Variants in SERPINA3 observed in about 807,000 individuals in gnomAD.
SERPINA3 encodes alpha-1-antichymotrypsin.
SERPINA3 carries 32 observed loss-of-function variants against 26.8 expected under a neutral mutation model. The ratio of observed to expected loss-of-function variants is 1.20; its 90% CI spans 0.90 to 1.61. The LOEUF (loss-of-function observed/expected upper bound fraction) is 1.61. SERPINA3 is among the 40% of genes most tolerant of loss of function. SERPINA3 has a pLI of 0.00. For synonymous variants in SERPINA3, 252 were observed against 206.4 expected, an observed-to-expected ratio of 1.22 and a Z score of -1.89; for missense variants, 632 against 517.9, an observed-to-expected ratio of 1.22 and a Z score of -2.14.
At chr14:94,621,126 G>T (rs1038662286) in intron 3 of SERPINA3, among the ~76,000 whole-genome samples, 3 of 152,106 alleles carry the variant, frequency 2.0e-5, no homozygotes, top group Non-Finnish European at 4.4e-5. Flanking sequence ...CAGAAGGCCG[G>T]ACACCTCTCG....
At chr14:94,623,378 G>A (rs1253466623) in intron 4 of SERPINA3, among the ~76,000 whole-genome samples, 3 of 152,118 alleles carry the variant, frequency 2.0e-5, no homozygotes, top group Non-Finnish European at 4.4e-5. Context: ...TCTTTACCTC[G>A]ATGGCTCTGG....
chr14:94,621,658 G>A (rs1886206101), intron 3 of SERPINA3, among the ~76,000 whole-genome samples: 1 of 152,104 alleles, frequency 6.6e-6, no homozygotes, highest in Non-Finnish European at 1.5e-5. Flanking sequence ...GCCCACTGGT[G>A]AGGCAAGATG....
rs527354355 is a variant in SERPINA3, at chr14:94,622,490, A to C, written c.1067A>C (p.Gln356Pro). ...ITGARNLAVS[Q>P]VVHKAVLDVF... ...GGGGCCAGGAACCTAGCAGTCTCCC[A>C]GGTGAGTCTTTAGACTTGGGTCAAT... The change falls in exon 4 of 5, where the codon CAG becomes CCG. Residue 356 changes from glutamine (Q) to proline (P), a missense_variant and splice_region_variant. Coordinates refer to ENST00000393078, the MANE Select transcript of SERPINA3 (RefSeq NM_001085.5). The C allele has an allele frequency of 6.2e-6, 10 of 1,614,082 alleles. No homozygotes were observed. Among genetic ancestry groups the C allele is most frequent in the African/African-American group, 1.3e-5 (1 of 75,050 alleles).
intron 2 of SERPINA3, among the ~76,000 whole-genome samples, chr14:94,616,471 G>A (rs886373909): frequency 6.6e-6 from 1 of 152,204 alleles, no homozygotes; most frequent in African/African-American, 2.4e-5. Context: ...TGTGGAAGGT[G>A]GAGGGGACCG....
In SERPINA3 at chr14:94,619,224, G is replaced by C. The variant is rs567715410; in HGVS notation, c.673G>C (p.Asp225His). 1.2e-6 allele frequency: 2 copies of C among 1,614,200 alleles called. No homozygotes were observed. Among genetic ancestry groups the C allele is most frequent in the South Asian group, 2.2e-5 (2 of 91,080 alleles). ...AKWEMPFDPQDTHQSRFYLSK... is the reference protein window; with the variant it reads ...AKWEMPFDPQHTHQSRFYLSK... Reference sequence around the variant, plus strand: ...ATGGGAGATGCCCTTTGACCCCCAAGATACTCATCAGTCAAGGTTCTACTT... The same window carrying C: ...ATGGGAGATGCCCTTTGACCCCCAACATACTCATCAGTCAAGGTTCTACTT... Residue 225 changes from aspartate (D) to histidine (H), a missense_variant, in exon 3 of 5, where the codon GAT becomes CAT. Physicochemically the swap from Asp to His is moderately conservative, Grantham distance 81 (BLOSUM62 -1). Coordinates refer to ENST00000393078, the MANE Select transcript of SERPINA3 (RefSeq NM_001085.5).
At chr14:94,621,299 T>G (rs1393609775) in intron 3 of SERPINA3, among the ~76,000 whole-genome samples, 1 of 152,152 alleles carries the variant, frequency 6.6e-6, no homozygotes, top group Non-Finnish European at 1.5e-5. Flanking sequence ...GTGGAAAGAA[T>G]TCTCCAAACA....
At chr14:94,618,076 C>T (rs1017510139) in intron 2 of SERPINA3, 7 of 152,116 alleles carry the variant, frequency 4.6e-5, no homozygotes, top group Admixed American at 3.3e-4. Flanking sequence ...GAATCATGGG[C>T]CTATGTCATG....
intron 3 of SERPINA3, among the ~76,000 whole-genome samples, chr14:94,620,756 G>A (rs914245572): frequency 2.6e-5 from 4 of 152,138 alleles, no homozygotes; most frequent in South Asian, 2.1e-4. Flanking sequence ...TGGGACACAC[G>A]GAATTGAGCT....
chr14:94,620,234 G>A (rs1225186277), intron 3 of SERPINA3, among the ~76,000 whole-genome samples: 1 of 152,156 alleles, frequency 6.6e-6, no homozygotes, highest in Non-Finnish European at 1.5e-5. Context: ...TCCTGGCAGA[G>A]GGAACAGTCA....
At chr14:94,616,707 A>G (rs1490564784) in intron 2 of SERPINA3, among the ~76,000 whole-genome samples, 1 of 152,188 alleles carries the variant, frequency 6.6e-6, no homozygotes, top group African/African-American at 2.4e-5. Context: ...TTTCCCCTAG[A>G]AAACGGTTTT....
chr14:94,623,052 C>G (rs2139966524), intron 4 of SERPINA3, among the ~76,000 whole-genome samples: 1 of 152,292 alleles, frequency 6.6e-6, no homozygotes, highest in East Asian at 1.9e-4. Flanking sequence ...GGTCTGCACT[C>G]CACCTTTCAA....
Position 94,623,668 on chromosome 14 carries a change from A to G in SERPINA3, c.1126A>G (p.Thr376Ala), listed in dbSNP as rs1368532400. ...FEEGTEASAA[T>A]AVKITLLSAL... ...GGAGGGCACAGAAGCATCTGCTGCC[A>G]CAGCAGTCAAAATCACCCTCCTTTC... The change falls in exon 5 of 5, where the codon ACA becomes GCA. Residue 376 changes from threonine to alanine, a missense_variant. Physicochemically the swap from Thr to Ala is moderately conservative, Grantham distance 58. Coordinates refer to ENST00000393078, the MANE Select transcript of SERPINA3 (RefSeq NM_001085.5). The G allele has an allele frequency of 1.9e-6, 3 of 1,614,074 alleles. No individual in the cohort carries two copies. In the African/African-American group the frequency reaches 4.0e-5, roughly 22 times the overall value.
intron 3 of SERPINA3, among the ~76,000 whole-genome samples, chr14:94,620,183 G>A (rs1886148824): frequency 6.6e-6 from 1 of 152,152 alleles, no homozygotes; most frequent in Non-Finnish European, 1.5e-5. Flanking sequence ...ATATAACAGA[G>A]GGGAGGGGTG....
rs369533733 is a variant in SERPINA3, at chr14:94,614,649, G to C, written c.208G>C (p.Asp70His). 3.1e-6 allele frequency: 5 copies of C among 1,613,942 alleles called. No homozygotes were observed. The highest frequency in any genetic ancestry group is 2.2e-5 in the East Asian group (1 of 44,886). ...LYKQLVLKAPDKNVIFSPLSI... is the reference protein window; with the variant it reads ...LYKQLVLKAPHKNVIFSPLSI... ...CAAGCAGTTAGTCCTGAAGGCCCCT[G>C]ATAAGAATGTCATCTTCTCCCCACT... Residue 70 changes from aspartate (D) to histidine (H), a missense_variant, in exon 2 of 5, where the codon GAT (aspartate) becomes CAT (histidine). By Grantham distance (81) the Asp-to-His change is moderately conservative. Transcript: ENST00000393078.
At position 94,614,478 on chromosome 14, in the gene SERPINA3, T is replaced by C. The variant is rs775489000; in HGVS notation, c.37T>C (p.Leu13=). 6 of 1,614,102 alleles carry C rather than the reference T, an allele frequency of 3.7e-6. No homozygotes were observed. The highest frequency in any genetic ancestry group is 1.6e-4 in the Middle Eastern group (1 of 6,062). ...RMLPLLALGL[L]AAGFCPAVLC... The stretch of plus-strand genomic sequence containing the variant: ...GTTACCTCTCCTGGCTCTGGGGCTC[T>C]TGGCGGCTGGGTTCTGCCCTGCTGT... The change falls in exon 2 of 5, where the codon TTG becomes CTG. Residue 13 remains leucine, a synonymous_variant. Coordinates refer to ENST00000393078, the MANE Select transcript of SERPINA3 (RefSeq NM_001085.5).
chr14:94,621,394 A>G lies in SERPINA3; in HGVS notation c.918-947A>G, dbSNP rs139122991. ...TGCTCAATAGATACTTGTTGAATGA[A>G]GGATGGAATGAACGGACAAACACAT... On this transcript the variant is annotated intron_variant, in intron 3 of 4. Transcript: ENST00000393078. 3.4e-3 allele frequency among the ~76,000 whole-genome samples: 514 copies of G among 151,862 alleles called. 4 individuals carry two copies. The highest frequency in any genetic ancestry group is 0.011 in the African/African-American group (470 of 41,408).
chr14:94,617,782 C>T (rs543960192), intron 2 of SERPINA3: 1 of 152,182 alleles, frequency 6.6e-6, no homozygotes, highest in South Asian at 2.1e-4. Flanking sequence ...AGCCCACAAC[C>T]TAGAGAAAGG....
At chr14:94,613,662 G>GA (rs1475710483) in intron 1 of SERPINA3, 1 of 152,234 alleles carries the variant, frequency 6.6e-6, no homozygotes, top group Non-Finnish European at 1.5e-5. Flanking sequence ...AAGTCTGGGA[G>GA]ACTCCAAAGC....
At chr14:94,623,258 A>G (rs1363692124) in intron 4 of SERPINA3, among the ~76,000 whole-genome samples, 3 of 152,236 alleles carry the variant, frequency 2.0e-5, no homozygotes, top group Admixed American at 6.5e-5. Flanking sequence ...GTTGCTTAGA[A>G]GAAAAATGCT....
Sources: gnomAD v4.1 joint callset for allele counts (sites outside exome capture counted in the v4.1 genomes callset) on GRCh38, gnomAD v4.1.1 for gene constraint, MANE v1.5 for transcripts, NCBI Gene and HGNC (gene_info 2026-07-23, HGNC 2026-07-21) for gene names.